ADAM33: variants seen among roughly 807,000 people sequenced by gnomAD.
The protein encoded by ADAM33 is disintegrin and metalloproteinase domain-containing protein 33.
In ADAM33, 103 loss-of-function variants were observed where a neutral mutation model predicts 106.2. The observed-to-expected ratio is 0.97, with a 90% CI of 0.83 to 1.14. The LOEUF is 1.14. Among genes scored for constraint, ADAM33 ranks in the 50% most tolerant of loss-of-function variants. The pLI is 0.00. For missense variants in ADAM33, 1,120 were observed against 1,096.6 expected (o/e 1.02, Z -0.30); for synonymous variants, 483 against 453.0 (o/e 1.07, Z -0.84).
At chr20:3,679,660 C>T in intron 1 of ADAM33, 89 bp from the exon 2 acceptor site, 1 of 1,239,168 alleles carries the variant, frequency 8.1e-7, no homozygotes, top group Non-Finnish European at 1.1e-6. Context: ...GAGGACATCC[C>T]CAGGGAGGCA....
chr20:3,672,416 G>A (rs41531745), intron 13 of ADAM33, 87 bp from the exon 14 acceptor site: 105 of 1,576,222 alleles, frequency 6.7e-5, no homozygotes, highest in Non-Finnish European at 8.4e-5. Context: ...GGAGCTGGGG[G>A]AGCCAGGCCT....
chr20:3,679,360 G>A, intron 2 of ADAM33, 132 bp downstream of exon 2: 1 of 862,322 alleles, frequency 1.2e-6, no homozygotes, highest in Non-Finnish European at 1.8e-6. Context: ...GGCAGGGGAG[G>A]CAGGGGCCTA....
In ADAM33 at chr20:3,672,580, G is replaced by T; in HGVS notation, c.1358C>A (p.Pro453Gln). ...CCFAHNCSLR[P>Q]GAQCAHGDCC... ...GTCCCCGTGGGCGCACTGGGCCCCC[G>T]GGCGCAGCGAGCAGTTGTGAGCAAA... The change falls in exon 13 of 22, where the codon CCG becomes CAG. Residue 453 changes from proline (P) to glutamine (Q), a missense_variant. Physicochemically the swap from Pro to Gln is moderately conservative, Grantham distance 76. Coordinates refer to ENST00000356518, the MANE Select transcript of ADAM33 (RefSeq NM_025220.5). The T allele has an allele frequency of 6.2e-7, 1 of 1,613,578 alleles. No individual in the cohort carries two copies. The highest frequency in any genetic ancestry group is 8.5e-7 in the Non-Finnish European group (1 of 1,179,930).
In ADAM33 at chr20:3,672,118, G is replaced by T; in HGVS notation, c.1597+16C>A. On this transcript the variant is annotated intron_variant, in intron 14 of 21. Transcript: ENST00000356518. ...AGGATGGGGGGCAGGGTGCAAGGGT[G>T]CTCGTGTCCTCTCACCAGGCCCCCA... 6.2e-7 allele frequency: 1 copy of T among 1,605,602 alleles called. No homozygotes were observed. The highest frequency in any genetic ancestry group is 8.5e-7 in the Non-Finnish European group (1 of 1,175,418).
In ADAM33 at chr20:3,673,597, C is replaced by T; in HGVS notation, c.967G>A (p.Glu323Lys). ...LAPVEGMCRA[E>K]SSGGVSTDHS... ...ACCGTGCTCACGCCTCCCGAGCTCTCGGCGCGGCACATGCCCTCGACGGGC... is the reference window on the plus strand; with the variant it reads ...ACCGTGCTCACGCCTCCCGAGCTCTTGGCGCGGCACATGCCCTCGACGGGC... Residue 323 changes from glutamate (E) to lysine (K), a missense_variant, in exon 10 of 22, where the codon GAG becomes AAG. Physicochemically the swap from Glu to Lys is moderately conservative, Grantham distance 56 (BLOSUM62 1). Coordinates refer to ENST00000356518, the MANE Select transcript of ADAM33 (RefSeq NM_025220.5). The T allele has an allele frequency of 2.2e-6, 3 of 1,370,392 alleles. No individual in the cohort carries two copies. Among genetic ancestry groups the T allele is most frequent in the South Asian group, 1.7e-5 (1 of 57,814 alleles). 84.9% of individuals were successfully genotyped at this position (1,370,392 alleles called of 1,614,324 possible).
chr20:3,673,692 C>T, intron 9 of ADAM33, 34 bp from the exon 10 acceptor site: 2 of 1,359,860 alleles, frequency 1.5e-6, no homozygotes, highest in Non-Finnish European at 1.9e-6. Context: ...CAGGCGGGGC[C>T]GGGAGGTGAG....
chr20:3,674,607 A>G lies in ADAM33; in HGVS notation c.497T>C (p.Ile166Thr), dbSNP rs1462376310. 2.5e-6 allele frequency: 4 copies of G among 1,613,008 alleles called. No individual in the cohort carries two copies. The highest frequency in any genetic ancestry group is 3.3e-4 in the Middle Eastern group (2 of 6,056). The change falls in exon 6 of 22, where the codon ATC (isoleucine) becomes ACC (threonine). Residue 166 changes from isoleucine (I) to threonine (T), a missense_variant. Ile to Thr is a moderately conservative substitution (Grantham distance 89, BLOSUM62 -1). Coordinates refer to ENST00000356518, the MANE Select transcript of ADAM33 (RefSeq NM_025220.5). ...GGTGAGCAGCTGCTCCATCCGAAAG[A>G]TCTCGTGGGTTGAGAAGTCCTTGGA... ...RGSKDFSTHEIFRMEQLLTWK... is the reference protein window; with the variant it reads ...RGSKDFSTHETFRMEQLLTWK...
intron 1 of ADAM33, among the ~76,000 whole-genome samples, chr20:3,681,635 G>A (rs951035554): frequency 2.8e-5 from 4 of 142,652 alleles, no homozygotes; most frequent in African/African-American, 1.0e-4. Context: ...CCCCCGAGGG[G>A]GAGGGAGCCA....
At chr20:3,677,000 T>C in intron 3 of ADAM33, 67 bp downstream of exon 3, 2 of 1,545,890 alleles carry the variant, frequency 1.3e-6, no homozygotes, top group South Asian at 1.1e-5. Flanking sequence ...CCCGCACAGA[T>C]CTGTGTCAGT....
intron 8 of ADAM33, 43 bp downstream of exon 8, chr20:3,674,021 C>A (rs764986076): frequency 6.2e-7 from 1 of 1,612,790 alleles, no homozygotes; most frequent in Admixed American, 1.7e-5. Flanking sequence ...GCCTGTCCTG[C>A]CGCCGCCACC....
At chr20:3,678,727 C>T (rs1343265054) in intron 2 of ADAM33, among the ~76,000 whole-genome samples, 2 of 152,216 alleles carry the variant, frequency 1.3e-5, no homozygotes, top group African/African-American at 4.8e-5. Context: ...CTTAGTGGGT[C>T]TCAGGCTCCC....
Position 3,671,416 on chromosome 20 carries a change from CACCCCGTGGCTGTGGCAG to C in ADAM33, c.1968_1983+2del. On this transcript the variant is annotated splice_donor_variant and coding_sequence_variant, in exon 17 of 22. Transcript: ENST00000356518. LOFTEE classifies it high-confidence loss of function. Reference sequence around the variant, plus strand: ...AGGTCACCCCCACTCCTCGGGCTCTCACCCCGTGGCTGTGGCAGGCAGTCAGGCAGCGCTGAAGCTCCT... The same window carrying C: ...AGGTCACCCCCACTCCTCGGGCTCTCGCAGTCAGGCAGCGCTGAAGCTCCT... The C allele has an allele frequency of 6.2e-7, 1 of 1,612,308 alleles. No homozygotes were observed. Among genetic ancestry groups the C allele is most frequent in the Non-Finnish European group, 8.5e-7 (1 of 1,178,998 alleles).
chr20:3,669,271 G>A, intron 21 of ADAM33, 28 bp downstream of exon 21: 1 of 1,559,232 alleles, frequency 6.4e-7, no homozygotes, highest in Non-Finnish European at 8.6e-7. Context: ...ATGAGAGGGG[G>A]AGGCTTTGAA....
At chr20:3,679,431 A>C in intron 2 of ADAM33, 61 bp downstream of exon 2, 1 of 1,516,156 alleles carries the variant, frequency 6.6e-7, no homozygotes, top group Non-Finnish European at 9.0e-7. Flanking sequence ...TAATGTAGGG[A>C]GAGACAAAAG....
intron 1 of ADAM33, among the ~76,000 whole-genome samples, chr20:3,680,641 G>C (rs559449100): frequency 6.6e-6 from 1 of 152,076 alleles, no homozygotes; most frequent in Non-Finnish European, 1.5e-5. Context: ...GAGTGGATGT[G>C]GGGGAGGGGA....
Position 3,674,025 on chromosome 20 carries a change from C to T in ADAM33, c.738+39G>A, listed in dbSNP as rs758057765. 14 of 1,613,072 alleles carry T rather than the reference C, an allele frequency of 8.7e-6. No individual in the cohort carries two copies. In the South Asian group the frequency reaches 1.3e-4, roughly 15 times the overall value. Reference sequence around the variant, plus strand: ...CACCAGCACCTGCCTGTCCTGCCGCCGCCACCCCCATCACCGCTCTCTCCC... The same window carrying T: ...CACCAGCACCTGCCTGTCCTGCCGCTGCCACCCCCATCACCGCTCTCTCCC... On this transcript the variant is annotated intron_variant, in intron 8 of 21. Coordinates refer to ENST00000356518, the MANE Select transcript of ADAM33 (RefSeq NM_025220.5).
chr20:3,677,117 C>T lies in ADAM33; in HGVS notation c.204G>A (p.Val68=). 1.9e-6 allele frequency: 3 copies of T among 1,611,384 alleles called. No homozygotes were observed. Among genetic ancestry groups the T allele is most frequent in the Non-Finnish European group, 2.5e-6 (3 of 1,178,826 alleles). The change falls in exon 3 of 22, where the codon GTG becomes GTA. Residue 68 remains valine, a synonymous_variant. Transcript: ENST00000356518. The part of the protein sequence containing the change: ...EPVSKPDMGL[V]ALEAEGQELL... ...GCTCCTGGCCTTCAGCCTCCAGGGC[C>T]ACCAGCCCCATGTCTGGCTTCGAGA...
At chr20:3,676,533 G>C (rs1025839113) in intron 3 of ADAM33, among the ~76,000 whole-genome samples, 11 of 151,722 alleles carry the variant, frequency 7.3e-5, no homozygotes, top group Non-Finnish European at 1.5e-4. Flanking sequence ...CTACCTCCGG[G>C]GTTCAAGCGA....
At position 3,669,325 on chromosome 20, in the gene ADAM33, A is replaced by G; in HGVS notation, c.2378T>C (p.Leu793Pro). Residue 793 changes from leucine to proline, a missense_variant, in exon 21 of 22, where the codon CTG (leucine) becomes CCG (proline). By Grantham distance (98) the Leu-to-Pro change is moderately conservative (BLOSUM62 -3). Transcript: ENST00000356518. ...HEPSSHPEKP[L>P]PAVSPDPQAD... Reference sequence around the variant, plus strand: ...TTGGGGGTCAGGCGAGACTGCTGGCAGAGGCTTCTCAGGGTGGCTGCTGGG... The same window carrying G: ...TTGGGGGTCAGGCGAGACTGCTGGCGGAGGCTTCTCAGGGTGGCTGCTGGG... 6.3e-7 allele frequency: 1 copy of G among 1,599,872 alleles called. No homozygotes were observed. Among genetic ancestry groups the G allele is most frequent in the Non-Finnish European group, 8.5e-7 (1 of 1,176,514 alleles).
Sources: gnomAD v4.1 joint callset for allele counts (sites outside exome capture counted in the v4.1 genomes callset) on GRCh38, gnomAD v4.1.1 for gene constraint, MANE v1.5 for transcripts, NCBI Gene and HGNC (gene_info 2026-07-23, HGNC 2026-07-21) for gene names.